The following ZNF737 variants were observed in gnomAD, a reference collection of about 807,000 sequenced individuals.
ZNF737 encodes the protein zinc finger protein 102 (Y3).
A neutral mutation model predicts 11.7 loss-of-function variants in ZNF737; 13 were observed. That is an observed-to-expected ratio of 1.11 (90% CI 0.73 to 1.77). The LOEUF (loss-of-function observed/expected upper bound fraction) is 1.77. Ranked by LOEUF, ZNF737 falls within the 40% of genes most tolerant of loss-of-function variation. The pLI is 0.00. For synonymous variants in ZNF737, 217 were observed against 216.2 expected, an observed-to-expected ratio of 1.00 and a Z score of -0.03; for missense variants, 636 against 638.0, an observed-to-expected ratio of 1.00 and a Z score of 0.03.
In ZNF737 at chr19:20,540,316, G is replaced by C. The variant is rs1464254454; in HGVS notation, c.*4276C>G. The C allele has an allele frequency of 4.2e-6, 1 of 240,224 alleles. No individual in the cohort carries two copies. Among genetic ancestry groups the C allele is most frequent in the Non-Finnish European group, 6.7e-6 (1 of 148,892 alleles). 14.9% of individuals were successfully genotyped at this position (240,224 alleles called of 1,614,324 possible). On this transcript the variant is annotated 3_prime_UTR_variant, in exon 4 of 4. Transcript: ENST00000427401. ...CCATTTTGATAAACACAAAGTCTAC[G>C]GATGAGTAACCTAATTTCATAAGTG...
chr19:20,552,675 T>C (rs370525647), intron 2 of ZNF737, 105 bp from the exon 3 acceptor site: 8 of 684,282 alleles, frequency 1.2e-5, no homozygotes, highest in Middle Eastern at 7.6e-4. Flanking sequence ...AGTAAATTAA[T>C]ACCAAAATAC....
chr19:20,561,235 A>G (rs11085356), intron 1 of ZNF737, among the ~76,000 whole-genome samples: 115,924 of 152,026 alleles, frequency 0.76, 44,275 homozygotes, highest in East Asian at 0.82. Context: ...GAGAAAACAG[A>G]TTGCTGCTGC....
At chr19:20,560,459 A>G (rs1166943540) in intron 1 of ZNF737, among the ~76,000 whole-genome samples, 4 of 152,108 alleles carry the variant, frequency 2.6e-5, no homozygotes, top group African/African-American at 9.7e-5. Context: ...AATAACGTCA[A>G]TGAAGCTGGA....
downstream of ZNF737, among the ~76,000 whole-genome samples, chr19:20,532,219 T>C (rs1421602185): frequency 2.7e-4 from 40 of 150,090 alleles, 4 homozygotes; most frequent in African/African-American, 9.6e-4. Flanking sequence ...AATTTGATAA[T>C]TGTATACACC....
chr19:20,546,091 AC>A, intron 3 of ZNF737, 115 bp from the exon 4 acceptor site: 2 of 1,259,474 alleles, frequency 1.6e-6, no homozygotes, highest in Non-Finnish European at 2.1e-6. Context: ...ACAGCAAAAT[AC>A]CACAAACTGT....
Position 20,540,136 on chromosome 19 carries a change from C to G in ZNF737, c.*4456G>C. 1 of 985,286 alleles carries G rather than the reference C, an allele frequency of 1.0e-6. No individual in the cohort carries two copies. 61.0% of individuals were successfully genotyped at this position (985,286 alleles called of 1,614,324 possible). A position where few individuals can be genotyped will look rare whatever the true frequency, so the allele number is the denominator to read the frequency against. Reference sequence around the variant, plus strand: ...AGGAGGCAGAAATGATGGCAAGATACAAACATTTTTCCCGCCATGTGGCCA... The same window carrying G: ...AGGAGGCAGAAATGATGGCAAGATAGAAACATTTTTCCCGCCATGTGGCCA... On this transcript the variant is annotated 3_prime_UTR_variant, in exon 4 of 4. Coordinates refer to ENST00000427401, the MANE Select transcript of ZNF737 (RefSeq NM_001159293.2).
downstream of ZNF737, among the ~76,000 whole-genome samples, chr19:20,531,265 G>GAGAGGGA (rs1555752821): frequency 7.5e-6 from 1 of 133,304 alleles, no homozygotes; most frequent in African/African-American, 3.0e-5. Flanking sequence ...GGGGAGAGGG[G>GAGAGGGA]AGGGGAGAGG....
In ZNF737 at chr19:20,545,273, C is replaced by T. The variant is rs919677497; in HGVS notation, c.930G>A (p.Glu310=). The part of the protein sequence containing the change: ...LTAHKIIHSG[E]KPYKCEECGK... Reference sequence around the variant, plus strand: ...CACATTCTTCACATTTGTAGGGTTTCTCTCCGCTATGAATTATCTTATGCG... The same window carrying T: ...CACATTCTTCACATTTGTAGGGTTTTTCTCCGCTATGAATTATCTTATGCG... Residue 310 remains glutamate, a synonymous_variant, in exon 4 of 4, where the codon GAG becomes GAA. Transcript: ENST00000427401. 8 of 1,613,218 alleles carry T rather than the reference C, an allele frequency of 5.0e-6. No homozygotes were observed. In the African/African-American group the frequency reaches 6.7e-5, roughly 13 times the overall value.
At position 20,542,157 on chromosome 19, in the gene ZNF737, A is replaced by T. The variant is rs1311884636; in HGVS notation, c.*2435T>A. On this transcript the variant is annotated 3_prime_UTR_variant, in exon 4 of 4. Coordinates refer to ENST00000427401, the MANE Select transcript of ZNF737 (RefSeq NM_001159293.2). ...AGTGGGATACAGTTAGTGGCACAAT[A>T]ATGGTTCATTAAACGCACGGTAGTC... The T allele has an allele frequency of 1.0e-6, 1 of 985,098 alleles. No homozygotes were observed. The highest frequency in any genetic ancestry group is 1.2e-6 in the Non-Finnish European group (1 of 829,774). The allele number at this position is 985,098 out of a possible 1,614,324, so 61.0% of individuals were successfully genotyped here. A position where few individuals can be genotyped will look rare whatever the true frequency, so the allele number is the denominator to read the frequency against.
downstream of ZNF737, among the ~76,000 whole-genome samples, chr19:20,535,038 TAAAG>T (rs1332589632): frequency 5.3e-5 from 8 of 149,660 alleles, 1 homozygote; most frequent in Non-Finnish European, 1.2e-4. Context: ...CTTCTAGAAA[TAAAG>T]AAGGAAAGGA....
intron 3 of ZNF737, among the ~76,000 whole-genome samples, chr19:20,548,609 T>C (rs1335637514): frequency 2.0e-5 from 3 of 152,074 alleles, no homozygotes; most frequent in African/African-American, 7.2e-5. Flanking sequence ...TTAACATGAC[T>C]GAAATGAACA....
the ZNF737 span, among the ~76,000 whole-genome samples, chr19:20,530,793 A>G: frequency 7.5e-6 from 1 of 132,516 alleles, no homozygotes; most frequent in African/African-American, 2.9e-5. Context: ...ATGGGCGGCC[A>G]GGCAGAGATG....
rs1968079994 is a variant in ZNF737, at chr19:20,538,799, A to G, written c.*5793T>C. ...ATTGGGCTGTTATTTGCATAGCTAG[A>G]TAATTACCAACTTTAGTCATACTAT... On this transcript the variant is annotated 3_prime_UTR_variant, in exon 4 of 4. Coordinates refer to ENST00000427401, the MANE Select transcript of ZNF737 (RefSeq NM_001159293.2). The G allele has an allele frequency of 2.0e-6, 2 of 985,280 alleles. No homozygotes were observed. The highest frequency in any genetic ancestry group is 3.5e-5 in the African/African-American group (2 of 57,234). 61.0% of individuals were successfully genotyped at this position (985,280 alleles called of 1,614,324 possible).
chr19:20,538,003 A>G lies in ZNF737; in HGVS notation c.*6589T>C, dbSNP rs1220059724. 1.1e-6 allele frequency: 1 copy of G among 947,272 alleles called. No individual in the cohort carries two copies. The highest frequency in any genetic ancestry group is 1.8e-5 in the African/African-American group (1 of 56,466). The allele number at this position is 947,272 out of a possible 1,614,324, so 58.7% of individuals were successfully genotyped here. ...TTTCTGAGGCAGAGTAAGATTTATA[A>G]CATTTTATTATCATATGGAAGAAGT... On this transcript the variant is annotated 3_prime_UTR_variant, in exon 4 of 4. Coordinates refer to ENST00000427401, the MANE Select transcript of ZNF737 (RefSeq NM_001159293.2).
chr19:20,551,651 G>C (rs1968676282), intron 3 of ZNF737, among the ~76,000 whole-genome samples: 1 of 151,264 alleles, frequency 6.6e-6, no homozygotes, highest in Non-Finnish European at 1.5e-5. Flanking sequence ...CAAACTATCT[G>C]ATAAAATAGA....
rs782257352 is a variant in ZNF737, at chr19:20,545,118, A to G, written c.1085T>C (p.Ile362Thr). 4 of 1,611,006 alleles carry G rather than the reference A, an allele frequency of 2.5e-6. No individual in the cohort carries two copies. The African/African-American group carries it at 5.4e-5, about 22-fold the overall frequency. The change falls in exon 4 of 4, where the codon ATT (isoleucine) becomes ACT (threonine). Residue 362 changes from isoleucine (I) to threonine (T), a missense_variant. Transcript: ENST00000427401. Reference sequence around the variant, plus strand: ...TTTGTAGGGTTTCTCTCCACTATGAATTATCTTGTGTGTAGTAAGGGATGA... The same window carrying G: ...TTTGTAGGGTTTCTCTCCACTATGAGTTATCTTGTGTGTAGTAAGGGATGA... ...YFSSLTTHKIIHSGEKPYKCE... is the reference protein window; with the variant it reads ...YFSSLTTHKITHSGEKPYKCE...
intron 3 of ZNF737, among the ~76,000 whole-genome samples, chr19:20,549,024 GTC>G (rs1968570921): frequency 7.3e-6 from 1 of 137,670 alleles, no homozygotes; most frequent in African/African-American, 2.8e-5. Flanking sequence ...TCATAGAAGT[GTC>G]TCTCACAAAA....
chr19:20,557,168 G>A (rs782527319), intron 1 of ZNF737, among the ~76,000 whole-genome samples: 3 of 152,114 alleles, frequency 2.0e-5, no homozygotes, highest in Non-Finnish European at 2.9e-5. Context: ...AAATGTCTCC[G>A]CAAGCACTGG....
chr19:20,541,427 C>A lies in ZNF737; in HGVS notation c.*3165G>T, dbSNP rs1473564053. 25 of 977,648 alleles carry A rather than the reference C, an allele frequency of 2.6e-5. No homozygotes were observed. The highest frequency in any genetic ancestry group is 3.0e-5 in the Non-Finnish European group (25 of 823,080). The allele number at this position is 977,648 out of a possible 1,614,324, so 60.6% of individuals were successfully genotyped here. A position where few individuals can be genotyped will look rare whatever the true frequency, so the allele number is the denominator to read the frequency against. On this transcript the variant is annotated 3_prime_UTR_variant, in exon 4 of 4. Coordinates refer to ENST00000427401, the MANE Select transcript of ZNF737 (RefSeq NM_001159293.2). ...TACAAGTATTTATAATTTTTCAGGA[C>A]TCAGAAATGTATGGATTTTATTTTT... is the stretch of plus-strand genomic sequence containing the variant.
Sources: gnomAD v4.1 joint callset for allele counts (sites outside exome capture counted in the v4.1 genomes callset) on GRCh38, gnomAD v4.1.1 for gene constraint, MANE v1.5 for transcripts, NCBI Gene and HGNC (gene_info 2026-07-23, HGNC 2026-07-21) for gene names.